The following ADAMTSL3 variants were observed in gnomAD, a reference collection of about 807,000 sequenced individuals.
ADAMTSL3 encodes the protein ADAMTS-like protein 3.
In ADAMTSL3, 128 loss-of-function variants were observed where a neutral mutation model predicts 201.7. That is an observed-to-expected ratio of 0.63 (90% confidence interval 0.55 to 0.73). The LOEUF (loss-of-function observed/expected upper bound fraction) is 0.73, where lower values mean the gene tolerates loss of function less well. Among genes scored for constraint, ADAMTSL3 ranks in the 30% least tolerant of loss-of-function variants. The pLI is 0.00. For synonymous variants in ADAMTSL3, 738 were observed against 748.4 expected (o/e 0.99, Z 0.23); for missense variants, 1,990 against 2,119.6 (o/e 0.94, Z 1.20).
chr15:83,697,314 C>T (rs2562777), intron 2 of ADAMTSL3, among the ~76,000 whole-genome samples: 129,682 of 152,172 alleles, frequency 0.85, 55,746 homozygotes, highest in East Asian at 0.96. Context: ...GGTATTTCTG[C>T]ACACAGCAAG....
chr15:83,848,636 T>G (rs2064549483), intron 7 of ADAMTSL3, among the ~76,000 whole-genome samples: 1 of 152,226 alleles, frequency 6.6e-6, no homozygotes, highest in Non-Finnish European at 1.5e-5. Flanking sequence ...GTAGAAGGAT[T>G]TAAAAGTGTA....
intron 4 of ADAMTSL3, among the ~76,000 whole-genome samples, chr15:83,803,784 A>T (rs2063558738): frequency 6.6e-6 from 1 of 152,198 alleles, no homozygotes; most frequent in Non-Finnish European, 1.5e-5. Context: ...ACTTACCAGT[A>T]TTAGCATCCC....
intron 15 of ADAMTSL3, among the ~76,000 whole-genome samples, chr15:83,902,033 C>G (rs2065734939): frequency 1.3e-5 from 2 of 152,152 alleles, no homozygotes; most frequent in Admixed American, 6.5e-5. Flanking sequence ...TTTCTTGGCT[C>G]CTTCTCATTC....
At chr15:83,890,924 T>A (rs1596363659) in intron 11 of ADAMTSL3, 1 of 159,702 alleles carries the variant, frequency 6.3e-6, no homozygotes, top group East Asian at 1.8e-4. Flanking sequence ...TTGAACATAA[T>A]TATTAATAGA....
chr15:83,913,633 T>A (rs2065976136), intron 16 of ADAMTSL3, among the ~76,000 whole-genome samples: 1 of 152,202 alleles, frequency 6.6e-6, no homozygotes, highest in African/African-American at 2.4e-5. Context: ...ATGACTGAGA[T>A]GGTTCATATG....
At chr15:83,894,509 G>A (rs1169204337) in intron 13 of ADAMTSL3, among the ~76,000 whole-genome samples, 1 of 152,140 alleles carries the variant, frequency 6.6e-6, no homozygotes, top group African/African-American at 2.4e-5. Flanking sequence ...TAAATGCCAT[G>A]ATAATTTCTG....
intron 2 of ADAMTSL3, among the ~76,000 whole-genome samples, chr15:83,682,839 T>A (rs375892468): frequency 1.3e-5 from 2 of 152,224 alleles, no homozygotes; most frequent in East Asian, 3.8e-4. Context: ...TTTCTTCAGT[T>A]ACAAAAATGT....
chr15:84,019,918 A>G lies in ADAMTSL3; in HGVS notation c.4274-1492A>G, dbSNP rs1241006348. ...AAAAAAAAAAAAAAAAAAAGAAACC[A>G]AATACACAAGAGTACATATTATATG... On this transcript the variant is annotated intron_variant, in intron 25 of 29. Coordinates refer to ENST00000286744, the MANE Select transcript of ADAMTSL3 (RefSeq NM_207517.3). Among the ~76,000 whole-genome samples, 3 of 150,880 alleles carry G rather than the reference A, an allele frequency of 2.0e-5. No individual in the cohort carries two copies. The East Asian group carries it at 5.8e-4, about 29-fold the overall frequency.
At chr15:83,689,948 G>A (rs889544319) in intron 2 of ADAMTSL3, among the ~76,000 whole-genome samples, 2 of 152,110 alleles carry the variant, frequency 1.3e-5, no homozygotes, top group African/African-American at 2.4e-5. Context: ...TGTAAAAAAC[G>A]GATTCCATTT....
At chr15:83,819,263 CAAAAAAA>C (rs397932701) in intron 5 of ADAMTSL3, among the ~76,000 whole-genome samples, 1 of 76,498 alleles carries the variant, frequency 1.3e-5, no homozygotes, top group Non-Finnish European at 2.5e-5. Flanking sequence ...CACTCCGTCT[CAAAAAAA>C]AAAAAAAAAA....
chr15:83,763,242 G>C (rs1320032641), intron 3 of ADAMTSL3, among the ~76,000 whole-genome samples: 1 of 152,140 alleles, frequency 6.6e-6, no homozygotes, highest in Non-Finnish European at 1.5e-5. Context: ...CTCCCAGTTT[G>C]ATCTACAGAG....
At chr15:83,678,914 T>C (rs534849797) in intron 2 of ADAMTSL3, among the ~76,000 whole-genome samples, 1 of 147,960 alleles carries the variant, frequency 6.8e-6, no homozygotes, top group Non-Finnish European at 1.5e-5. Flanking sequence ...AAAGGAAATA[T>C]ATATTTTATA....
At chr15:83,830,093 A>G (rs944969146) in intron 6 of ADAMTSL3, among the ~76,000 whole-genome samples, 2 of 152,162 alleles carry the variant, frequency 1.3e-5, no homozygotes, top group African/African-American at 2.4e-5. Flanking sequence ...GATTTCTGAT[A>G]TCATGATTAA....
intron 7 of ADAMTSL3, among the ~76,000 whole-genome samples, chr15:83,852,380 C>T (rs1033055719): frequency 6.6e-6 from 1 of 152,186 alleles, no homozygotes; most frequent in African/African-American, 2.4e-5. Context: ...TCTTAAAGTG[C>T]TGGGATTACA....
chr15:83,676,458 C>G (rs1363603643), intron 2 of ADAMTSL3, among the ~76,000 whole-genome samples: 1 of 152,100 alleles, frequency 6.6e-6, no homozygotes, highest in African/African-American at 2.4e-5. Flanking sequence ...GTGGGCGGAT[C>G]ATGAGGTCAG....
rs144846396 is a variant in ADAMTSL3 at position 83,750,409 on chromosome 15, G to T, written c.190-23114G>T. 1.2e-4 allele frequency among the ~76,000 whole-genome samples: 19 copies of T among 152,306 alleles called. No homozygotes were observed. In the East Asian group the frequency reaches 3.1e-3, roughly 25 times the overall value. ...AATTATATTTCTTTTTCCCTTGTAA[G>T]TTTTGCATCATAGCTTGGTGTCATG... is the stretch of plus-strand genomic sequence containing the variant. On this transcript the variant is annotated intron_variant, in intron 3 of 29. Coordinates refer to ENST00000286744, the MANE Select transcript of ADAMTSL3 (RefSeq NM_207517.3).
chr15:83,956,886 A>G (rs999256692), intron 19 of ADAMTSL3, among the ~76,000 whole-genome samples: 7 of 152,108 alleles, frequency 4.6e-5, no homozygotes, highest in Non-Finnish European at 1.5e-5. Context: ...CACTCATTTA[A>G]TCAACATTTA....
At chr15:83,706,277 A>T (rs2061849947) in intron 3 of ADAMTSL3, among the ~76,000 whole-genome samples, 1 of 152,180 alleles carries the variant, frequency 6.6e-6, no homozygotes, top group Non-Finnish European at 1.5e-5. Flanking sequence ...TATTTAACAT[A>T]ATAACAATAT....
intron 2 of ADAMTSL3, among the ~76,000 whole-genome samples, chr15:83,704,127 G>A (rs761421984): frequency 6.6e-5 from 10 of 152,132 alleles, no homozygotes; most frequent in South Asian, 2.1e-4. Flanking sequence ...CAGAGGTAGC[G>A]GGGAGGGGGA....
Sources: allele counts gnomAD v4.1 joint callset (sites outside exome capture counted in the v4.1 genomes callset), GRCh38; gene constraint gnomAD v4.1.1; transcripts MANE v1.5; gene names NCBI Gene and HGNC (gene_info 2026-07-23, HGNC 2026-07-21).